The following CC2D1B variants were observed in gnomAD, a reference collection of about 807,000 sequenced individuals.
The protein encoded by CC2D1B is coiled-coil and C2 domain-containing protein 1B.
CC2D1B carries 92 observed loss-of-function variants against 110.8 expected under a neutral mutation model. That is an observed-to-expected ratio of 0.83 (90% CI 0.70 to 0.99). The LOEUF (loss-of-function observed/expected upper bound fraction) is 0.99, where lower values mean the gene tolerates loss of function less well. Among genes scored for constraint, CC2D1B ranks in the 50% least tolerant of loss-of-function variants. The probability of loss-of-function intolerance (pLI) is 0.00; values close to 1 mark genes in which losing one functional copy is unlikely to be tolerated. For synonymous variants in CC2D1B, 406 were observed against 429.2 expected (o/e 0.95, Z 0.67); for missense variants, 1,136 against 1,089.0 (o/e 1.04, Z -0.61).
At chr1:52,353,765 A>G in intron 23 of CC2D1B, 118 bp from the exon 24 acceptor site, 1 of 699,078 alleles carries the variant, frequency 1.4e-6, no homozygotes, top group East Asian at 2.8e-5. Context: ...GCATGAACAC[A>G]GGAATCTCCA....
intron 15 of CC2D1B, 34 bp downstream of exon 15, chr1:52,357,492 G>A: frequency 1.3e-6 from 2 of 1,546,324 alleles, no homozygotes. Flanking sequence ...ACCTCCGCCT[G>A]AGAAGTCCTG....
intron 13 of CC2D1B, 144 bp downstream of exon 13, chr1:52,358,184 TGGG>T (rs1646695536): frequency 8.8e-7 from 1 of 1,141,180 alleles, no homozygotes; most frequent in African/African-American, 1.6e-5. Flanking sequence ...ATTTCCTAGC[TGGG>T]TGTCCTTGGG....
chr1:52,358,340 G>C lies in CC2D1B; in HGVS notation c.1452C>G (p.Asp484Glu), dbSNP rs762125667. The C allele has an allele frequency of 1.9e-6, 3 of 1,613,896 alleles. No individual in the cohort carries two copies. The South Asian group carries it at 3.3e-5, about 18-fold the overall frequency. Residue 484 changes from aspartate to glutamate, a missense_variant, in exon 13 of 25, where the codon GAC (aspartate) becomes GAG (glutamate). Transcript: ENST00000284376. The part of the protein sequence containing the change: ...SAEDSAPADK[D>E]EDEGEPPAQA... ...GAGCCCTCAACCAAACCTCGTCCTC[G>C]TCTTTATCAGCCGGGGCTGAATCCT...
chr1:52,360,026 G>A, intron 7 of CC2D1B, 48 bp downstream of exon 7: 5 of 1,550,610 alleles, frequency 3.2e-6, no homozygotes, highest in Non-Finnish European at 4.4e-6. Flanking sequence ...CACACGCTGT[G>A]GGCTATGACC....
At position 52,356,173 on chromosome 1, in the gene CC2D1B, T is replaced by C; in HGVS notation, c.2054+13A>G. On this transcript the variant is annotated intron_variant, in intron 18 of 24. Coordinates refer to ENST00000284376, the MANE Select transcript of CC2D1B (RefSeq NM_001330585.2). The stretch of plus-strand genomic sequence containing the variant: ...TCCCTGCCTGGAGCCCCTGTTTCCC[T>C]AGGCCTTGGTACCTCACAGTCTGGA... 1.9e-6 allele frequency: 3 copies of C among 1,601,590 alleles called. No individual in the cohort carries two copies. The highest frequency in any genetic ancestry group is 1.7e-6 in the Non-Finnish European group (2 of 1,168,754).
intron 23 of CC2D1B, 64 bp from the exon 24 acceptor site, chr1:52,353,711 C>G: frequency 8.0e-7 from 1 of 1,248,534 alleles, no homozygotes; most frequent in Admixed American, 2.5e-5. Context: ...AGGCAGGTCC[C>G]TACATTCCCA....
intron 16 of CC2D1B, chr1:52,356,681 AACTCAAACATC>A: frequency 1.6e-6 from 1 of 606,436 alleles, no homozygotes; most frequent in East Asian, 2.8e-5. Flanking sequence ...ATCAAAACCT[AACTCAAACATC>A]CCCTCAGAAG....
intron 3 of CC2D1B, 77 bp from the exon 4 acceptor site, chr1:52,361,693 C>G: frequency 6.4e-7 from 1 of 1,560,586 alleles, no homozygotes. Context: ...CTTGGTAGAT[C>G]CACCCAGGCA....
chr1:52,355,314 G>T, intron 21 of CC2D1B, 84 bp downstream of exon 21: 1 of 1,392,290 alleles, frequency 7.2e-7, no homozygotes, highest in Non-Finnish European at 1.0e-6. Context: ...TCAAGTAAGG[G>T]CATAGATGGG....
intron 8 of CC2D1B, 85 bp from the exon 9 acceptor site, chr1:52,359,619 T>C: frequency 6.4e-7 from 1 of 1,559,066 alleles, no homozygotes; most frequent in Non-Finnish European, 8.7e-7. Context: ...TAGGCCAATC[T>C]CACTCAATCT....
At position 52,361,073 on chromosome 1, in the gene CC2D1B, C is replaced by T; in HGVS notation, c.378G>A (p.Glu126=). 1 of 1,614,062 alleles carries T rather than the reference C, an allele frequency of 6.2e-7. No homozygotes were observed. The part of the protein sequence containing the change: ...DEETEPLDGD[E]VADPGGSEEE... ...CCTCAGAGCCGCCTGGGTCAGCTAC[C>T]TCATCACCATCCAGGGGCTCAGTCT... The change falls in exon 5 of 25, where the codon GAG becomes GAA. Residue 126 remains glutamate (E), a synonymous_variant. Coordinates refer to ENST00000284376, the MANE Select transcript of CC2D1B (RefSeq NM_001330585.2).
rs778082242 is a variant in CC2D1B at position 52,364,647 on chromosome 1, TAC to T, written c.-14-15_-14-14del. ...GCAGCCTAGATACCTATGGAAGAGT[TAC>T]AGAGATTCAGGCTGGAGTAGCCCAT... is the stretch of plus-strand genomic sequence containing the variant. On this transcript the variant is annotated splice_polypyrimidine_tract_variant and intron_variant, in intron 1 of 24. Transcript: ENST00000284376. The T allele has an allele frequency of 1.1e-4, 171 of 1,578,580 alleles. No homozygotes were observed. Among genetic ancestry groups the T allele is most frequent in the Non-Finnish European group, 1.2e-4 (139 of 1,150,976 alleles).
rs1009848850 is a variant in CC2D1B at position 52,352,984 on chromosome 1, C to T, written c.*241G>A. ...AAGTGTCCTTGCCCTCTTCCAGACT[C>T]GGGGCAGGGGGAGACAGCGGGGAGA... is the stretch of plus-strand genomic sequence containing the variant. On this transcript the variant is annotated 3_prime_UTR_variant, in exon 25 of 25. Coordinates refer to ENST00000284376, the MANE Select transcript of CC2D1B (RefSeq NM_001330585.2). 6 of 375,056 alleles carry T rather than the reference C, an allele frequency of 1.6e-5. No individual in the cohort carries two copies. The highest frequency in any genetic ancestry group is 6.3e-5 in the South Asian group (3 of 47,648). 23.2% of individuals were successfully genotyped at this position (375,056 alleles called of 1,614,324 possible).
intron 13 of CC2D1B, 83 bp downstream of exon 13, chr1:52,358,248 T>C (rs1646697225): frequency 6.5e-7 from 1 of 1,533,328 alleles, no homozygotes; most frequent in East Asian, 2.3e-5. Context: ...TTATTGGGCT[T>C]GTTAGTATGG....
At position 52,360,059 on chromosome 1, in the gene CC2D1B, G is replaced by A. The variant is rs763113931; in HGVS notation, c.763+15C>T. On this transcript the variant is annotated intron_variant, in intron 7 of 24. Transcript: ENST00000284376. ...ACCCCAGGAACTAGAACAGGATTTG[G>A]GCATCTGCAGATACCTGACTCCAAG... 1.9e-6 allele frequency: 3 copies of A among 1,562,654 alleles called. No individual in the cohort carries two copies. The highest frequency in any genetic ancestry group is 2.6e-6 in the Non-Finnish European group (3 of 1,155,004).
Position 52,361,046 on chromosome 1 carries a change from C to G in CC2D1B, c.405G>C (p.Glu135Asp), listed in dbSNP as rs368306338. The G allele has an allele frequency of 6.2e-7, 1 of 1,614,132 alleles. No homozygotes were observed. Among genetic ancestry groups the G allele is most frequent in the African/African-American group, 1.3e-5 (1 of 75,032 alleles). The change falls in exon 5 of 25, where the codon GAG becomes GAC. Residue 135 changes from glutamate (E) to aspartate (D), a missense_variant. Coordinates refer to ENST00000284376, the MANE Select transcript of CC2D1B (RefSeq NM_001330585.2). ...DEVADPGGSE[E>D]ENGLEDTEPP... ...GTTCAGTGTCTTCTAGGCCGTTCTC[C>G]TCCTCAGAGCCGCCTGGGTCAGCTA...
intron 5 of CC2D1B, 170 bp downstream of exon 5, chr1:52,360,804 G>A: frequency 1.0e-6 from 1 of 954,872 alleles, no homozygotes; most frequent in Non-Finnish European, 1.5e-6. Flanking sequence ...GGCCTTTGAG[G>A]CTGGCTGCCA....
At chr1:52,354,495 G>A in intron 23 of CC2D1B, 113 bp downstream of exon 23, 1 of 907,772 alleles carries the variant, frequency 1.1e-6, no homozygotes. Context: ...CACACTTGTG[G>A]AGAATTTCAA....
intron 1 of CC2D1B, among the ~76,000 whole-genome samples, chr1:52,365,449 G>A (rs902351180): frequency 6.6e-6 from 1 of 152,218 alleles, no homozygotes; most frequent in African/African-American, 2.4e-5. Context: ...ATTCCAAGAC[G>A]AGGGAACACT....
Sources: allele counts gnomAD v4.1 joint callset (sites outside exome capture counted in the v4.1 genomes callset), GRCh38; gene constraint gnomAD v4.1.1; transcripts MANE v1.5; gene names NCBI Gene and HGNC (gene_info 2026-07-23, HGNC 2026-07-21).